Variants in KLHL30 observed in about 807,000 individuals in gnomAD.
The protein encoded by KLHL30 is kelch like family member 30.
KLHL30 carries 55 observed loss-of-function variants against 55.0 expected under a neutral mutation model. The ratio of observed to expected loss-of-function variants is 1.00; its 90% CI spans 0.80 to 1.25. The LOEUF (loss-of-function observed/expected upper bound fraction) is 1.25. Ranked by LOEUF, KLHL30 falls within the 50% of genes most tolerant of loss-of-function variation. The pLI, the probability that KLHL30 is intolerant of heterozygous loss-of-function variation, is 0.00. For synonymous variants in KLHL30, 356 were observed against 372.6 expected (o/e 0.96, Z 0.51); for missense variants, 786 against 811.6 (o/e 0.97, Z 0.38).
In KLHL30 at chr2:238,152,157, C is replaced by T; in HGVS notation, c.*1092C>T. ...GCCAGGCACAGGCCCTGGTGTTGCC[C>T]CAGAGGCCCTGGGCAGCTCCGGTCT... is the stretch of plus-strand genomic sequence containing the variant. On this transcript the variant is annotated 3_prime_UTR_variant, in exon 8 of 8. Transcript: ENST00000409223. The T allele has an allele frequency of 1.0e-6, 1 of 985,456 alleles. No individual in the cohort carries two copies. The highest frequency in any genetic ancestry group is 1.2e-6 in the Non-Finnish European group (1 of 829,984). 61.0% of individuals were successfully genotyped at this position (985,456 alleles called of 1,614,324 possible).
intron 3 of KLHL30, 99 bp from the exon 4 acceptor site, chr2:238,144,803 T>C: frequency 1.1e-6 from 1 of 884,776 alleles, no homozygotes; most frequent in Non-Finnish European, 1.8e-6. Flanking sequence ...GGGGCATTTC[T>C]GCACCCGGTG....
chr2:238,144,838 G>T, intron 3 of KLHL30, 64 bp from the exon 4 acceptor site: 2 of 1,206,336 alleles, frequency 1.7e-6, no homozygotes, highest in East Asian at 2.5e-5. Flanking sequence ...TGGGAAGGGG[G>T]AGTGGGGACC....
rs1559278806 is a variant in KLHL30 at position 238,152,051 on chromosome 2, T to C, written c.*986T>C. On this transcript the variant is annotated 3_prime_UTR_variant, in exon 8 of 8. Coordinates refer to ENST00000409223, the MANE Select transcript of KLHL30 (RefSeq NM_198582.4). ...CAGCTAAGGAGACAATGAAGGACTC[T>C]CCCTGGGTGCCCAATGGCGTGTCCC... The C allele has an allele frequency of 1.0e-5, 10 of 985,380 alleles. No individual in the cohort carries two copies. The highest frequency in any genetic ancestry group is 4.7e-5 in the South Asian group (1 of 21,294). 61.0% of individuals were successfully genotyped at this position (985,380 alleles called of 1,614,324 possible). A position where few individuals can be genotyped will look rare whatever the true frequency, so the allele number is the denominator to read the frequency against.
rs368341503 is a variant in KLHL30 at position 238,141,538 on chromosome 2, C to G, written c.774+10C>G. On this transcript the variant is annotated intron_variant, in intron 2 of 7. Coordinates refer to ENST00000409223, the MANE Select transcript of KLHL30 (RefSeq NM_198582.4). ...CCAGGGCCATGATGGGGTGAGTGAG[C>G]GGCTGGGAGGCCCCATCCCTGGGAA... is the stretch of plus-strand genomic sequence containing the variant. 11 of 1,434,596 alleles carry G rather than the reference C, an allele frequency of 7.7e-6. No individual in the cohort carries two copies. Among genetic ancestry groups the G allele is most frequent in the Non-Finnish European group, 9.1e-6 (10 of 1,098,710 alleles). The allele number at this position is 1,434,596 out of a possible 1,614,324, so 88.9% of individuals were successfully genotyped here.
At chr2:238,146,218 C>T (rs1692645499) in intron 5 of KLHL30, among the ~76,000 whole-genome samples, 1 of 151,752 alleles carries the variant, frequency 6.6e-6, no homozygotes, top group Non-Finnish European at 1.5e-5. Context: ...AAAGGAACAT[C>T]GAGAAACAAA....
At position 238,149,079 on chromosome 2, in the gene KLHL30, G is replaced by C. The variant is rs904204914; in HGVS notation, c.1412G>C (p.Gly471Ala). The C allele has an allele frequency of 4.3e-6, 7 of 1,613,308 alleles. No individual in the cohort carries two copies. The Admixed American group carries it at 6.7e-5, about 15-fold the overall frequency. The change falls in exon 7 of 8, where the codon GGG becomes GCG. Residue 471 changes from glycine to alanine, a missense_variant. Transcript: ENST00000409223. Reference sequence around the variant, plus strand: ...TCGCCTCGCTGTGCTGCACTGCACGGGGAGCTCTACCTCATTGGGGACAAC... The same window carrying C: ...TCGCCTCGCTGTGCTGCACTGCACGCGGAGCTCTACCTCATTGGGGACAAC... Reference protein sequence around the residue: ...LSSPRCAALHGELYLIGDNTK... With the variant: ...LSSPRCAALHAELYLIGDNTK...
In KLHL30 at chr2:238,147,474, G is replaced by A. The variant is rs957113923; in HGVS notation, c.1151-360G>A. Among the ~76,000 whole-genome samples, 18 of 151,984 alleles carry A rather than the reference G, an allele frequency of 1.2e-4. No homozygotes were observed. The highest frequency in any genetic ancestry group is 4.1e-4 in the African/African-American group (17 of 41,394). Reference sequence around the variant, plus strand: ...AGGGTCTCGCAACCCGCCCTCCCAGGGCTGGCATCCTCCATTCCAGTTCAG... The same window carrying A: ...AGGGTCTCGCAACCCGCCCTCCCAGAGCTGGCATCCTCCATTCCAGTTCAG... On this transcript the variant is annotated intron_variant, in intron 5 of 7. Coordinates refer to ENST00000409223, the MANE Select transcript of KLHL30 (RefSeq NM_198582.4). This position sits in a 1 kb window ranked among gnomAD's most constrained non-coding sequence, Gnocchi z 5.8.
Position 238,145,713 on chromosome 2 carries a change from C to T in KLHL30, c.1031C>T (p.Thr344Ile), listed in dbSNP as rs559135664. 7.6e-6 allele frequency: 12 copies of T among 1,587,896 alleles called. No homozygotes were observed. In the East Asian group the frequency reaches 2.3e-4, roughly 31 times the overall value. ...GGCACAAAGACAGACACCTGGTCAA[C>T]CACCCAGGCCTGGTGCTTCCCCCTG... ...SRGTKTDTWS[T>I]TQAWCFPLKE... The change falls in exon 5 of 8, where the codon ACC (threonine) becomes ATC (isoleucine). Residue 344 changes from threonine (T) to isoleucine (I), a missense_variant. Transcript: ENST00000409223.
At chr2:238,144,405 AGG>A (rs1559275872) in intron 3 of KLHL30, among the ~76,000 whole-genome samples, 2 of 121,568 alleles carry the variant, frequency 1.6e-5, no homozygotes, top group Non-Finnish European at 3.6e-5. Flanking sequence ...GAAGGAAGGA[AGG>A]AAGGAAGGAA....
chr2:238,140,617 G>A, intron 1 of KLHL30, 68 bp from the exon 2 acceptor site: 1 of 817,622 alleles, frequency 1.2e-6, no homozygotes, highest in Non-Finnish European at 1.9e-6. Context: ...CTGATGGACA[G>A]ACCGGGTGGG....
chr2:238,143,583 C>A (rs1232200961), intron 3 of KLHL30, among the ~76,000 whole-genome samples: 1 of 152,236 alleles, frequency 6.6e-6, no homozygotes, highest in African/African-American at 2.4e-5. Context: ...CCTGCGCTGG[C>A]CCCAAGAGGT....
chr2:238,151,365 G>T lies in KLHL30; in HGVS notation c.*300G>T. Reference sequence around the variant, plus strand: ...CGAGACCTCAGAGAGGGGAGCCGGGGGCCGGGCCAGCATTCCCAGAGCTTG... The same window carrying T: ...CGAGACCTCAGAGAGGGGAGCCGGGTGCCGGGCCAGCATTCCCAGAGCTTG... On this transcript the variant is annotated 3_prime_UTR_variant, in exon 8 of 8. Coordinates refer to ENST00000409223, the MANE Select transcript of KLHL30 (RefSeq NM_198582.4). 2.1e-6 allele frequency: 1 copy of T among 471,494 alleles called. No homozygotes were observed. The highest frequency in any genetic ancestry group is 3.8e-6 in the Non-Finnish European group (1 of 262,742). The allele number at this position is 471,494 out of a possible 1,614,324, so 29.2% of individuals were successfully genotyped here.
rs1323124464 is a variant in KLHL30 at position 238,151,319 on chromosome 2, C to T, written c.*254C>T. 3 of 574,326 alleles carry T rather than the reference C, an allele frequency of 5.2e-6. No homozygotes were observed. Among genetic ancestry groups the T allele is most frequent in the Non-Finnish European group, 9.1e-6 (3 of 328,540 alleles). 35.6% of individuals were successfully genotyped at this position (574,326 alleles called of 1,614,324 possible). A position where few individuals can be genotyped will look rare whatever the true frequency, so the allele number is the denominator to read the frequency against. Reference sequence around the variant, plus strand: ...ACGCTGGCATAACAGGGACAGGAAGCTCTGCTGCCCCTGGGGTTCCCGAGA... The same window carrying T: ...ACGCTGGCATAACAGGGACAGGAAGTTCTGCTGCCCCTGGGGTTCCCGAGA... On this transcript the variant is annotated 3_prime_UTR_variant, in exon 8 of 8. Transcript: ENST00000409223.
chr2:238,141,728 G>C (rs1311124119), intron 2 of KLHL30, among the ~76,000 whole-genome samples, 200 bp downstream of exon 2: 1 of 152,262 alleles, frequency 6.6e-6, no homozygotes, highest in Non-Finnish European at 1.5e-5. Context: ...TGTGTGTCAC[G>C]CCCTGTGTGC....
intron 6 of KLHL30, among the ~76,000 whole-genome samples, chr2:238,148,733 G>A (rs920223817): frequency 6.6e-5 from 10 of 152,174 alleles, no homozygotes; most frequent in Non-Finnish European, 1.2e-4. Flanking sequence ...CCACCACAGG[G>A]AGAGTCCTGA....
chr2:238,142,989 G>A (rs369652057), intron 3 of KLHL30, 58 bp downstream of exon 3: 24 of 1,467,030 alleles, frequency 1.6e-5, no homozygotes, highest in African/African-American at 8.9e-5. Flanking sequence ...AGCGGGAGCC[G>A]CTGTGTCCTC....
chr2:238,152,171 C>A lies in KLHL30; in HGVS notation c.*1106C>A. ...CTGGTGTTGCCCCAGAGGCCCTGGGCAGCTCCGGTCTCCCGCCGGATCCAG... is the reference window on the plus strand; with the variant it reads ...CTGGTGTTGCCCCAGAGGCCCTGGGAAGCTCCGGTCTCCCGCCGGATCCAG... On this transcript the variant is annotated 3_prime_UTR_variant, in exon 8 of 8. Transcript: ENST00000409223. 1.0e-6 allele frequency: 1 copy of A among 985,528 alleles called. No individual in the cohort carries two copies. Among genetic ancestry groups the A allele is most frequent in the Non-Finnish European group, 1.2e-6 (1 of 830,026 alleles). The allele number at this position is 985,528 out of a possible 1,614,324, so 61.0% of individuals were successfully genotyped here.
chr2:238,150,804 C>T lies in KLHL30; in HGVS notation c.1486-10C>T, dbSNP rs1219619566. ...CGCCCACCGGACGCTAACCCGCTGA[C>T]CGTGCACAGGTGCAGTCACAGCACA... On this transcript the variant is annotated splice_polypyrimidine_tract_variant and intron_variant, in intron 7 of 7. Coordinates refer to ENST00000409223, the MANE Select transcript of KLHL30 (RefSeq NM_198582.4). 2 of 1,573,102 alleles carry T rather than the reference C, an allele frequency of 1.3e-6. No individual in the cohort carries two copies. Among genetic ancestry groups the T allele is most frequent in the Non-Finnish European group, 8.6e-7 (1 of 1,160,770 alleles).
At position 238,151,068 on chromosome 2, in the gene KLHL30, C is replaced by A. The variant is rs1430120343; in HGVS notation, c.*3C>A. The A allele has an allele frequency of 6.3e-7, 1 of 1,584,554 alleles. No individual in the cohort carries two copies. The highest frequency in any genetic ancestry group is 1.8e-5 in the Admixed American group (1 of 57,108). ...CCGGCCCCACCCAGGAGCACTAAACCAGGGCCAGGGTCCCCGGGGAGGAGT... is the reference window on the plus strand; with the variant it reads ...CCGGCCCCACCCAGGAGCACTAAACAAGGGCCAGGGTCCCCGGGGAGGAGT... On this transcript the variant is annotated 3_prime_UTR_variant, in exon 8 of 8. Coordinates refer to ENST00000409223, the MANE Select transcript of KLHL30 (RefSeq NM_198582.4).
Sources: gnomAD v4.1 joint callset for allele counts (sites outside exome capture counted in the v4.1 genomes callset) on GRCh38, gnomAD v4.1.1 for gene constraint, Gnocchi (gnomAD v3.1) non-coding constraint, MANE v1.5 for transcripts, NCBI Gene and HGNC (gene_info 2026-07-23, HGNC 2026-07-21) for gene names.